The following TNRC18 variants were observed in gnomAD, a reference collection of about 807,000 sequenced individuals.
TNRC18 encodes the protein trinucleotide repeat containing 18.
Under a neutral mutation model 226.7 loss-of-function variants are expected in TNRC18, and 69 were observed. The observed-to-expected ratio is 0.30, with a 90% CI of 0.25 to 0.37. TNRC18 has a LOEUF of 0.37. TNRC18 is among the 10% of genes least tolerant of loss of function. TNRC18 has a pLI of 1.00. For missense variants in TNRC18, 4,754 were observed against 4,256.6 expected, an observed-to-expected ratio of 1.12 and a Z score of -3.25; for synonymous variants, 2,449 against 1,927.6, an observed-to-expected ratio of 1.27 and a Z score of -7.09.
intron 14 of TNRC18, among the ~76,000 whole-genome samples, 173 bp downstream of exon 14, chr7:5,361,421 C>T (rs1443171558): frequency 6.6e-6 from 1 of 152,222 alleles, no homozygotes; most frequent in Non-Finnish European, 1.5e-5. Context: ...CGGCCTCGCT[C>T]CCTCCTGGCC....
intron 18 of TNRC18, among the ~76,000 whole-genome samples, chr7:5,335,733 C>G (rs2128130450): frequency 6.7e-6 from 1 of 148,996 alleles, no homozygotes; most frequent in African/African-American, 2.5e-5. Flanking sequence ...CAGGGCTCAG[C>G]AAAAAGTGAT....
intron 2 of TNRC18, chr7:5,420,542 G>A (rs1387445774): frequency 2.2e-6 from 1 of 444,450 alleles, no homozygotes; most frequent in African/African-American, 2.0e-5. Flanking sequence ...CCGTACTCCC[G>A]CATCCCCCGG....
At chr7:5,409,497 G>A (rs188165004) in intron 2 of TNRC18, among the ~76,000 whole-genome samples, 4 of 151,822 alleles carry the variant, frequency 2.6e-5, no homozygotes, top group South Asian at 2.1e-4. Flanking sequence ...CAGGAGGATC[G>A]TTTGAGCCCC....
chr7:5,360,815 G>A (rs1475415595), intron 14 of TNRC18, among the ~76,000 whole-genome samples: 3 of 152,122 alleles, frequency 2.0e-5, no homozygotes, highest in Non-Finnish European at 2.9e-5. Context: ...TGGGGGCCTT[G>A]GGGCTGTTTT....
At chr7:5,415,617 G>A (rs1338377543) in intron 2 of TNRC18, among the ~76,000 whole-genome samples, 1 of 150,802 alleles carries the variant, frequency 6.6e-6, no homozygotes, top group Non-Finnish European at 1.5e-5. Flanking sequence ...CTGACCTCAG[G>A]TGATCAGCCT....
intron 16 of TNRC18, among the ~76,000 whole-genome samples, chr7:5,355,011 C>G (rs1463301573): frequency 1.3e-5 from 2 of 152,234 alleles, no homozygotes; most frequent in Non-Finnish European, 2.9e-5. Context: ...ACACACAGAA[C>G]CAGGCAGCTG....
intron 5 of TNRC18, among the ~76,000 whole-genome samples, chr7:5,381,239 C>T (rs577216682): frequency 3.7e-4 from 57 of 152,332 alleles, no homozygotes; most frequent in Non-Finnish European, 8.1e-4. Flanking sequence ...TGCGCTTGGC[C>T]GGGCCCCTCC....
At chr7:5,376,469 G>A (rs1020258372) in intron 8 of TNRC18, among the ~76,000 whole-genome samples, 13 of 152,100 alleles carry the variant, frequency 8.5e-5, no homozygotes, top group Admixed American at 5.9e-4. Flanking sequence ...CCACAGCCTC[G>A]CAACCAGAGC....
At position 5,332,810 on chromosome 7, in the gene TNRC18, CGGGCCCCGCCTCGAAGCCAGGCTCCTTG is replaced by C; in HGVS notation, c.5931_5958del (p.Lys1978ArgfsTer46). 1 of 1,508,742 alleles carries C rather than the reference CGGGCCCCGCCTCGAAGCCAGGCTCCTTG, an allele frequency of 6.6e-7. No homozygotes were observed. 93.5% of individuals were successfully genotyped at this position (1,508,742 alleles called of 1,614,324 possible). On this transcript the variant is annotated frameshift_variant, in exon 19 of 30. Coordinates refer to ENST00000430969, the MANE Select transcript of TNRC18 (RefSeq NM_001080495.3). LOFTEE classifies it high-confidence loss of function. ...GTCCACAGGTCGTCGTCGCTGGCCT[CGGGCCCCGCCTCGAAGCCAGGCTCCTTG>C]GGGCCCCGCAGCTTCCGGGCCTTGC...
At chr7:5,327,952 T>C (rs1473147579) in intron 19 of TNRC18, among the ~76,000 whole-genome samples, 3 of 152,156 alleles carry the variant, frequency 2.0e-5, no homozygotes, top group Non-Finnish European at 4.4e-5. Flanking sequence ...CCAGGCGCGG[T>C]GGCTCACGCC....
intron 16 of TNRC18, among the ~76,000 whole-genome samples, chr7:5,353,650 A>C (rs1465210822): frequency 6.6e-6 from 1 of 150,784 alleles, no homozygotes; most frequent in Non-Finnish European, 1.5e-5. Flanking sequence ...TCTCGCTTCG[A>C]CCTCCGTCCA....
intron 18 of TNRC18, among the ~76,000 whole-genome samples, chr7:5,339,540 AATGT>A (rs1562514159): frequency 1.0e-5 from 1 of 95,412 alleles, no homozygotes; most frequent in African/African-American, 4.7e-5. Context: ...GTGCCCAGCC[AATGT>A]GTGTGTGTGT....
At position 5,377,653 on chromosome 7, in the gene TNRC18, G is replaced by C; in HGVS notation, c.2256-77C>G. The C allele has an allele frequency of 2.1e-6, 3 of 1,439,260 alleles. No individual in the cohort carries two copies. Among genetic ancestry groups the C allele is most frequent in the Non-Finnish European group, 2.8e-6 (3 of 1,060,090 alleles). The allele number at this position is 1,439,260 out of a possible 1,614,324, so 89.2% of individuals were successfully genotyped here. The stretch of plus-strand genomic sequence containing the variant: ...AGAGGGAGAAGCGGGGTTGCCCCAA[G>C]GAACTGTTTGCCACCAGGCCATGAG... On this transcript the variant is annotated intron_variant, in intron 6 of 29. Coordinates refer to ENST00000430969, the MANE Select transcript of TNRC18 (RefSeq NM_001080495.3). This position sits in a 1 kb window ranked among gnomAD's most constrained non-coding sequence, Gnocchi z 5.8.
intron 3 of TNRC18, among the ~76,000 whole-genome samples, chr7:5,392,196 G>A (rs1780350907): frequency 2.0e-5 from 3 of 152,178 alleles, no homozygotes; most frequent in Admixed American, 6.6e-5. Flanking sequence ...CGGAGCAGTG[G>A]CTCATGCCTG....
At chr7:5,369,356 G>A (rs778950776) in intron 11 of TNRC18, among the ~76,000 whole-genome samples, 2 of 152,094 alleles carry the variant, frequency 1.3e-5, no homozygotes, top group South Asian at 4.2e-4. Context: ...CTCAAAAAAA[G>A]AAAAACAACA....
At chr7:5,308,844 C>CA in intron 29 of TNRC18, 31 bp downstream of exon 29, 1 of 631,088 alleles carries the variant, frequency 1.6e-6, no homozygotes, top group Non-Finnish European at 2.6e-6. Flanking sequence ...CCATCCCCAA[C>CA]CCGCCCACCA....
rs1190858099 is a variant in TNRC18 at position 5,357,179 on chromosome 7, G to A, written c.4931C>T (p.Ser1644Leu). Residue 1644 changes from serine to leucine, a missense_variant, in exon 16 of 30, where the codon TCG (serine) becomes TTG (leucine). Physicochemically the swap from Ser to Leu is moderately radical, Grantham distance 145 (BLOSUM62 -2). Transcript: ENST00000430969. ...AGCACTGTCCGAAAACTTGAAGGGC[G>A]ACTTCAACTTGTCCTGCTTGGTGAG... The part of the protein sequence containing the change: ...LSLTKQDKLK[S>L]PFKFSDSAGG... The A allele has an allele frequency of 8.7e-6, 14 of 1,607,000 alleles. No homozygotes were observed. In the Middle Eastern group the frequency reaches 4.9e-4, roughly 57 times the overall value.
chr7:5,401,494 G>A (rs562949827), intron 2 of TNRC18, among the ~76,000 whole-genome samples: 8 of 152,132 alleles, frequency 5.3e-5, no homozygotes, highest in East Asian at 1.9e-4. Flanking sequence ...ACCCTGCCAC[G>A]CCCTTTCCTG....
chr7:5,378,298 C>A (rs536438713), intron 5 of TNRC18, among the ~76,000 whole-genome samples: 17 of 152,254 alleles, frequency 1.1e-4, no homozygotes, highest in African/African-American at 3.4e-4. Flanking sequence ...ACAACCGTGG[C>A]GATAATTAGG....
Sources: gnomAD v4.1 joint callset for allele counts (sites outside exome capture counted in the v4.1 genomes callset) on GRCh38, gnomAD v4.1.1 for gene constraint, Gnocchi (gnomAD v3.1) non-coding constraint, MANE v1.5 for transcripts, NCBI Gene and HGNC (gene_info 2026-07-23, HGNC 2026-07-21) for gene names.